CERS6: variants seen among roughly 807,000 people sequenced by gnomAD.
CERS6 encodes the protein LAG1 homolog, ceramide synthase 6.
CERS6 carries 26 observed loss-of-function variants against 56.8 expected under a neutral mutation model. The observed-to-expected ratio is 0.46, with a 90% CI of 0.34 to 0.63. The LOEUF (loss-of-function observed/expected upper bound fraction) is 0.63. CERS6 is among the 30% of genes least tolerant of loss of function. The pLI, the probability that CERS6 is intolerant of heterozygous loss-of-function variation, is 0.01. For synonymous variants in CERS6, 164 were observed against 173.3 expected (o/e 0.95, Z 0.42); for missense variants, 415 against 467.5 (o/e 0.89, Z 1.04).
chr2:168,594,451 G>A (rs79438681), intron 3 of CERS6, among the ~76,000 whole-genome samples: 5,327 of 152,210 alleles, frequency 0.035, 337 homozygotes, highest in African/African-American at 0.12. Flanking sequence ...CGGGCATGGT[G>A]GCATGTGCCT....
intron 4 of CERS6, among the ~76,000 whole-genome samples, chr2:168,684,699 G>C (rs1686302479): frequency 1.3e-5 from 2 of 152,270 alleles, no homozygotes; most frequent in Admixed American, 1.3e-4. Flanking sequence ...TTTACAATTA[G>C]ATCTCAGCTT....
chr2:168,756,499 G>C (rs572659638), intron 8 of CERS6, among the ~76,000 whole-genome samples: 9 of 152,204 alleles, frequency 5.9e-5, no homozygotes, highest in Non-Finnish European at 1.0e-4. Context: ...TAAGGGTCAA[G>C]TGGGGTGGGC....
intron 8 of CERS6, among the ~76,000 whole-genome samples, chr2:168,748,536 G>A (rs1459595569): frequency 6.6e-6 from 1 of 152,156 alleles, no homozygotes; most frequent in Non-Finnish European, 1.5e-5. Context: ...ACTCATTGTG[G>A]TCCTACTCCT....
chr2:168,581,543 C>G (rs1683410406), intron 3 of CERS6, among the ~76,000 whole-genome samples: 1 of 152,134 alleles, frequency 6.6e-6, no homozygotes, highest in Non-Finnish European at 1.5e-5. Flanking sequence ...ATCACTAATT[C>G]CCTTTTAACT....
intron 1 of CERS6, among the ~76,000 whole-genome samples, chr2:168,525,053 A>C (rs1377498368): frequency 6.6e-6 from 1 of 152,182 alleles, no homozygotes; most frequent in Non-Finnish European, 1.5e-5. Flanking sequence ...CTCAGTTGGC[A>C]GAGCTATGGA....
At chr2:168,521,065 A>G (rs1450777299) in intron 1 of CERS6, among the ~76,000 whole-genome samples, 2 of 152,220 alleles carry the variant, frequency 1.3e-5, no homozygotes, top group African/African-American at 4.8e-5. Context: ...TGTTTTTGAT[A>G]GATTACTAAG....
intron 1 of CERS6, among the ~76,000 whole-genome samples, chr2:168,490,269 C>T (rs1443873159): frequency 6.6e-6 from 1 of 152,100 alleles, no homozygotes; most frequent in Non-Finnish European, 1.5e-5. Flanking sequence ...TTCTTTCTCT[C>T]CGTGATTCCC....
chr2:168,546,189 G>T (rs954709307), intron 1 of CERS6, among the ~76,000 whole-genome samples: 3 of 152,126 alleles, frequency 2.0e-5, no homozygotes, highest in African/African-American at 7.2e-5. Context: ...ATAGAGAAGG[G>T]CCAGAGTCGT....
intron 3 of CERS6, among the ~76,000 whole-genome samples, chr2:168,575,196 A>G (rs755425717): frequency 9.2e-5 from 14 of 152,342 alleles, no homozygotes; most frequent in Admixed American, 5.2e-4. Context: ...AAATGGGGCC[A>G]TTAGAATTGT....
chr2:168,631,044 T>C lies in CERS6; in HGVS notation c.465+2T>C. ...TACGGAGTCAGATTCCTGAAAAAGG[T>C]AGGATCTCTCAAACTATTTTACATG... On this transcript the variant is annotated splice_donor_variant, in intron 4 of 9. Coordinates refer to ENST00000305747, the MANE Select transcript of CERS6 (RefSeq NM_203463.3). LOFTEE classifies it high-confidence loss of function. 1.4e-6 allele frequency: 2 copies of C among 1,477,022 alleles called. No homozygotes were observed. Among genetic ancestry groups the C allele is most frequent in the Non-Finnish European group, 1.9e-6 (2 of 1,075,018 alleles). 91.5% of individuals were successfully genotyped at this position (1,477,022 alleles called of 1,614,324 possible). A position where few individuals can be genotyped will look rare whatever the true frequency, so the allele number is the denominator to read the frequency against.
intron 3 of CERS6, among the ~76,000 whole-genome samples, chr2:168,597,878 G>A (rs577738623): frequency 8.5e-5 from 13 of 152,192 alleles, no homozygotes; most frequent in Admixed American, 2.0e-4. Flanking sequence ...CTTCCCTCCC[G>A]TCTAAATTGC....
intron 8 of CERS6, among the ~76,000 whole-genome samples, chr2:168,744,642 A>G (rs1424931284): frequency 2.0e-5 from 3 of 152,214 alleles, no homozygotes; most frequent in African/African-American, 2.4e-5. Flanking sequence ...GCTGTCCTCA[A>G]TAAAGTGGAT....
chr2:168,543,314 A>C (rs1398981489), intron 1 of CERS6, among the ~76,000 whole-genome samples: 1 of 152,356 alleles, frequency 6.6e-6, no homozygotes, highest in African/African-American at 2.4e-5. Flanking sequence ...TAACCATCAA[A>C]GCTTGAAAGC....
At chr2:168,619,581 A>G (rs942378170) in intron 3 of CERS6, among the ~76,000 whole-genome samples, 17 of 152,160 alleles carry the variant, frequency 1.1e-4, no homozygotes, top group African/African-American at 4.1e-4. Flanking sequence ...AAGAAGATAT[A>G]CAAATGGCCA....
intron 4 of CERS6, among the ~76,000 whole-genome samples, chr2:168,654,017 T>C (rs1685408319): frequency 6.6e-6 from 1 of 152,204 alleles, no homozygotes; most frequent in South Asian, 2.1e-4. Flanking sequence ...TTGAAACTTT[T>C]GGTTTTAGAT....
At chr2:168,694,518 G>A (rs1488554250) in intron 5 of CERS6, among the ~76,000 whole-genome samples, 1 of 152,080 alleles carries the variant, frequency 6.6e-6, no homozygotes, top group Non-Finnish European at 1.5e-5. Context: ...TCTGATTAAT[G>A]CAGAACTTAA....
At chr2:168,531,737 C>T (rs901544854) in intron 1 of CERS6, among the ~76,000 whole-genome samples, 4 of 151,496 alleles carry the variant, frequency 2.6e-5, no homozygotes, top group South Asian at 4.2e-4. Context: ...AGGAGAGTTG[C>T]TTGAACCTGA....
At chr2:168,676,999 CTTT>C (rs59600302) in intron 4 of CERS6, among the ~76,000 whole-genome samples, 111 of 96,666 alleles carry the variant, frequency 1.1e-3, no homozygotes, top group Non-Finnish European at 2.0e-3. Flanking sequence ...TTTTTTGGGG[CTTT>C]TTTTTTTTTT....
intron 1 of CERS6, among the ~76,000 whole-genome samples, chr2:168,505,595 A>T (rs1206228238): frequency 6.6e-6 from 1 of 152,064 alleles, no homozygotes; most frequent in Non-Finnish European, 1.5e-5. Flanking sequence ...TTACTCCTGG[A>T]TGGGGATGTA....
Sources: gnomAD v4.1 joint callset for allele counts (sites outside exome capture counted in the v4.1 genomes callset) on GRCh38, gnomAD v4.1.1 for gene constraint, MANE v1.5 for transcripts, NCBI Gene and HGNC (gene_info 2026-07-23, HGNC 2026-07-21) for gene names.